Variants in URB1 observed in about 807,000 individuals in gnomAD.
URB1 encodes the protein URB1 ribosome biogenesis factor, also known as nucleolar pre-ribosomal-associated protein 1.
In URB1, 197 loss-of-function variants were observed where a neutral mutation model predicts 242.3. That is an observed-to-expected ratio of 0.81 (90% CI 0.72 to 0.91). The LOEUF is 0.91. URB1 is among the 40% of genes least tolerant of loss of function. The probability of loss-of-function intolerance (pLI) is 0.00; values close to 1 mark genes in which losing one functional copy is unlikely to be tolerated. For missense variants in URB1, 2,721 were observed against 2,860.5 expected (o/e 0.95, Z 1.11); for synonymous variants, 1,153 against 1,201.8 (o/e 0.96, Z 0.84).
chr21:32,334,344 G>GA lies in URB1; in HGVS notation c.4686-11dup. 6.5e-7 allele frequency: 1 copy of GA among 1,536,674 alleles called. No homozygotes were observed. The highest frequency in any genetic ancestry group is 8.8e-7 in the Non-Finnish European group (1 of 1,136,910). ...GCCCCACAGCAGCACCCTAGAGCCA[G>GA]AAAAGGGAAAAGAGACTGGTCACAG... On this transcript the variant is annotated splice_polypyrimidine_tract_variant and intron_variant, in intron 28 of 38. Coordinates refer to ENST00000382751, the MANE Select transcript of URB1 (RefSeq NM_014825.3).
intron 37 of URB1, 104 bp from the exon 38 acceptor site, chr21:32,317,169 T>C (rs2032701972): frequency 7.0e-7 from 1 of 1,421,706 alleles, no homozygotes; most frequent in Non-Finnish European, 9.2e-7. Context: ...GCGGCTTGCA[T>C]GTCCTGAGCA....
At chr21:32,387,673 C>T (rs1313293234) in intron 1 of URB1, among the ~76,000 whole-genome samples, 1 of 148,390 alleles carries the variant, frequency 6.7e-6, no homozygotes, top group Non-Finnish European at 1.5e-5. Flanking sequence ...ATGACCAATA[C>T]AGTAAAATGT....
At chr21:32,344,851 A>G (rs2033067806) in intron 23 of URB1, 95 bp from the exon 24 acceptor site, 1 of 1,363,178 alleles carries the variant, frequency 7.3e-7, no homozygotes, top group Non-Finnish European at 9.8e-7. Context: ...TATGGGATAG[A>G]TGCTGAGTCC....
chr21:32,347,670 C>A lies in URB1; in HGVS notation c.3154G>T (p.Val1052Phe). 1.3e-6 allele frequency: 2 copies of A among 1,551,572 alleles called. No individual in the cohort carries two copies. The highest frequency in any genetic ancestry group is 3.3e-4 in the Middle Eastern group (2 of 5,992). The change falls in exon 22 of 39, where the codon GTC becomes TTC. Residue 1052 changes from valine (V) to phenylalanine (F), a missense_variant. By Grantham distance (50) the Val-to-Phe change is conservative (BLOSUM62 -1). Transcript: ENST00000382751. The part of the protein sequence containing the change: ...KLLATHFSAG[V>F]LQLLAASAPI... ...GCACTTGCTGCCAGCAGCTGAAGGACCCCTGCACTAAAGTGGGTGGCCAGG... is the reference window on the plus strand; with the variant it reads ...GCACTTGCTGCCAGCAGCTGAAGGAACCCTGCACTAAAGTGGGTGGCCAGG...
rs986270314 is a variant in URB1, at chr21:32,313,739, G to A, written c.*1179C>T. The A allele has an allele frequency of 7.9e-5, 12 of 152,242 alleles. No individual in the cohort carries two copies. The highest frequency in any genetic ancestry group is 1.6e-4 in the Non-Finnish European group (11 of 68,060). 9.4% of individuals were successfully genotyped at this position (152,242 alleles called of 1,614,324 possible). A position where few individuals can be genotyped will look rare whatever the true frequency, so the allele number is the denominator to read the frequency against. On this transcript the variant is annotated 3_prime_UTR_variant, in exon 39 of 39. Transcript: ENST00000382751. ...TAAAACAGCCACATCCTAGGCCACA[G>A]AGCAGATCCCAAGAGCCCCAGGCAT...
In URB1 at chr21:32,349,379, G is replaced by A. The variant is rs369139267; in HGVS notation, c.2937C>T (p.Cys979=). 1.7e-5 allele frequency: 27 copies of A among 1,551,328 alleles called. No homozygotes were observed. The highest frequency in any genetic ancestry group is 8.3e-5 in the South Asian group (7 of 84,056). ...EQLDAQNQQR[C]EAARAEADLF... is the part of the protein sequence containing the mutation. ...GGTCGGCTTCGGCCCGGGCGGCCTCGCATCTCTGCTGGTTCTGGGCATCCA... is the reference window on the plus strand; with the variant it reads ...GGTCGGCTTCGGCCCGGGCGGCCTCACATCTCTGCTGGTTCTGGGCATCCA... Residue 979 remains cysteine, a synonymous_variant, in exon 21 of 39, where the codon TGC becomes TGT. Coordinates refer to ENST00000382751, the MANE Select transcript of URB1 (RefSeq NM_014825.3).
rs771332357 is a variant in URB1 at position 32,314,957 on chromosome 21, C to T, written c.6777G>A (p.Val2259=). ...CTGCGCTGGCGGCGTCCTTGCAGAGCACCACGATGGCCTCCTCTTCACTGC... is the reference window on the plus strand; with the variant it reads ...CTGCGCTGGCGGCGTCCTTGCAGAGTACCACGATGGCCTCCTCTTCACTGC... The part of the protein sequence containing the change: ...APSSEEEAIV[V]LCKDAASAAS... Residue 2259 remains valine, a synonymous_variant, in exon 39 of 39, where the codon GTG becomes GTA. Transcript: ENST00000382751. The T allele has an allele frequency of 2.7e-4, 426 of 1,551,504 alleles. No individual in the cohort carries two copies. Among genetic ancestry groups the T allele is most frequent in the Non-Finnish European group, 3.6e-4 (412 of 1,146,994 alleles).
intron 5 of URB1, 113 bp from the exon 6 acceptor site, chr21:32,375,596 GT>G (rs75908758): frequency 0.041 from 18,074 of 438,712 alleles, 1 homozygote; most frequent in South Asian, 0.058. Context: ...ACTTTTTCAA[GT>G]TTTTTTTTTT....
chr21:32,364,571 C>T (rs1243309456), intron 10 of URB1, among the ~76,000 whole-genome samples: 1 of 152,208 alleles, frequency 6.6e-6, no homozygotes, highest in Non-Finnish European at 1.5e-5. Flanking sequence ...AGGAACTATC[C>T]TAAGCCAAGA....
rs1327620934 is a variant in URB1, at chr21:32,377,068, A to G, written c.664+1377T>C. The G allele has an allele frequency of 1.4e-5, 6 of 430,798 alleles. No homozygotes were observed. The East Asian group carries it at 3.0e-4, about 22-fold the overall frequency. 26.7% of individuals were successfully genotyped at this position (430,798 alleles called of 1,614,324 possible). A position where few individuals can be genotyped will look rare whatever the true frequency, so the allele number is the denominator to read the frequency against. ...AGAAGACCCATTTCCAGCTAATATAAATATTATTCCCTAACAAAACCTCTA... is the reference window on the plus strand; with the variant it reads ...AGAAGACCCATTTCCAGCTAATATAGATATTATTCCCTAACAAAACCTCTA... On this transcript the variant is annotated intron_variant, in intron 5 of 38. Transcript: ENST00000382751.
Position 32,316,605 on chromosome 21 carries a change from A to G in URB1, c.6495T>C (p.Pro2165=). The stretch of plus-strand genomic sequence containing the variant: ...TGAACAGGCAGGCCACCTCCTGCAC[A>G]GGCCCTGCCAGCCCCTCAGCCCCAC... The part of the protein sequence containing the change: ...RLCGAEGLAG[P]VQEVACLFNT... Residue 2165 remains proline (P), a synonymous_variant, in exon 38 of 39, where the codon CCT becomes CCC. Transcript: ENST00000382751. 6.4e-7 allele frequency: 1 copy of G among 1,551,504 alleles called. No homozygotes were observed. Among genetic ancestry groups the G allele is most frequent in the Non-Finnish European group, 8.7e-7 (1 of 1,146,978 alleles).
intron 13 of URB1, among the ~76,000 whole-genome samples, chr21:32,360,581 C>G (rs550131445): frequency 6.6e-6 from 1 of 152,296 alleles, no homozygotes; most frequent in East Asian, 1.9e-4. Flanking sequence ...GTTACTTTTA[C>G]AAGTTTGAAC....
At chr21:32,321,090 G>C (rs2032760163) in intron 34 of URB1, among the ~76,000 whole-genome samples, 1 of 152,232 alleles carries the variant, frequency 6.6e-6, no homozygotes, top group Non-Finnish European at 1.5e-5. Context: ...GGGTGCTTCA[G>C]AATTCTCACA....
intron 11 of URB1, 95 bp downstream of exon 11, chr21:32,363,061 G>A (rs1181678114): frequency 1.4e-6 from 2 of 1,447,516 alleles, no homozygotes; most frequent in Non-Finnish European, 1.8e-6. Context: ...GCGGCTCCAA[G>A]GACACATCAC....
intron 5 of URB1, chr21:32,377,249 G>A: frequency 1.9e-6 from 1 of 518,804 alleles, no homozygotes; most frequent in Non-Finnish European, 3.8e-6. Context: ...ATGGTTCAGG[G>A]CTACAGTTTG....
At position 32,373,699 on chromosome 21, in the gene URB1, G is replaced by A. The variant is rs2033429678; in HGVS notation, c.824C>T (p.Ala275Val). The A allele has an allele frequency of 6.5e-7, 1 of 1,549,410 alleles. No homozygotes were observed. The highest frequency in any genetic ancestry group is 8.7e-7 in the Non-Finnish European group (1 of 1,146,260). Reference sequence around the variant, plus strand: ...AATCCCATTCCAGTTGTACAGCGATGCTATGTGGTTCAATAACTGCCCCGT... The same window carrying A: ...AATCCCATTCCAGTTGTACAGCGATACTATGTGGTTCAATAACTGCCCCGT... ...FFTGQLLNHI[A>V]SLYNWNGITD... Residue 275 changes from alanine (A) to valine (V), a missense_variant, in exon 7 of 39, where the codon GCA (alanine) becomes GTA (valine). Transcript: ENST00000382751.
Position 32,320,536 on chromosome 21 carries a change from T to C in URB1, c.5589A>G (p.Glu1863=). ...SLLTWILHIL[E]SKFLETPLLS... ...CGCATGCAAAAGGTACTTACTTGCT[T>C]TCAAGGATGTGTAAAATCCATGTTA... Residue 1863 remains glutamate, a synonymous_variant, in exon 35 of 39, where the codon GAA becomes GAG. Transcript: ENST00000382751. 6.4e-7 allele frequency: 1 copy of C among 1,550,932 alleles called. No homozygotes were observed. The highest frequency in any genetic ancestry group is 8.7e-7 in the Non-Finnish European group (1 of 1,146,220).
intron 35 of URB1, 125 bp from the exon 36 acceptor site, chr21:32,319,539 G>T: frequency 9.8e-7 from 1 of 1,021,958 alleles, no homozygotes; most frequent in Non-Finnish European, 1.3e-6. Context: ...GTAAAAACAG[G>T]GTGCTTGCTA....
chr21:32,391,856 T>TA (rs67993951), intron 1 of URB1, among the ~76,000 whole-genome samples: 37,534 of 130,146 alleles, frequency 0.29, 5,934 homozygotes, highest in East Asian at 0.53. Flanking sequence ...CTACAAAAAG[T>TA]AAAAAAAAAA....
Sources: gnomAD v4.1 joint callset for allele counts (sites outside exome capture counted in the v4.1 genomes callset) on GRCh38, gnomAD v4.1.1 for gene constraint, MANE v1.5 for transcripts, NCBI Gene and HGNC (gene_info 2026-07-23, HGNC 2026-07-21) for gene names.